The following SIPA1L2 variants were observed in gnomAD, a reference collection of about 807,000 sequenced individuals.
The protein encoded by SIPA1L2 is signal induced proliferation associated 1 like 2.
In SIPA1L2, 56 loss-of-function variants were observed where a neutral mutation model predicts 163.9. The ratio of observed to expected loss-of-function variants is 0.34; its 90% confidence interval spans 0.28 to 0.43. The LOEUF is 0.43. Among genes scored for constraint, SIPA1L2 ranks in the 20% least tolerant of loss-of-function variants. The pLI is 1.00. For missense variants in SIPA1L2, 1,974 were observed against 2,193.5 expected (o/e 0.90, Z 2.00); for synonymous variants, 877 against 865.7 (o/e 1.01, Z -0.23).
intron 19 of SIPA1L2, among the ~76,000 whole-genome samples, chr1:232,411,220 G>A (rs137897140): frequency 1.1e-3 from 173 of 152,284 alleles, no homozygotes; most frequent in African/African-American, 3.5e-3. Context: ...ACAGGGTCTC[G>A]TCTTGACCAG....
intron 2 of SIPA1L2, among the ~76,000 whole-genome samples, chr1:232,521,611 T>C (rs1048671803): frequency 3.9e-5 from 6 of 152,120 alleles, no homozygotes; most frequent in Non-Finnish European, 7.4e-5. Flanking sequence ...TTGACAATCA[T>C]CACTAACCTA....
chr1:232,403,361 G>T, intron 21 of SIPA1L2, 87 bp downstream of exon 21: 1 of 1,521,490 alleles, frequency 6.6e-7, no homozygotes, highest in Non-Finnish European at 8.9e-7. Context: ...ATGGTCGCCC[G>T]CCTGGCTCAG....
intron 1 of SIPA1L2, among the ~76,000 whole-genome samples, chr1:232,578,916 T>C (rs1660220524): frequency 6.6e-6 from 1 of 152,210 alleles, no homozygotes. Context: ...TTACCTTGTT[T>C]TGCCTTTAGA....
intron 15 of SIPA1L2, among the ~76,000 whole-genome samples, chr1:232,436,922 G>A (rs1023234547): frequency 6.6e-6 from 1 of 152,134 alleles, no homozygotes; most frequent in Non-Finnish European, 1.5e-5. Flanking sequence ...CAGGAAAAGG[G>A]CAGTCAAGTG....
intron 2 of SIPA1L2, among the ~76,000 whole-genome samples, chr1:232,550,328 T>C (rs1658302437): frequency 6.6e-6 from 1 of 152,210 alleles, no homozygotes; most frequent in Non-Finnish European, 1.5e-5. Flanking sequence ...TGAACGTTCT[T>C]ATCCAGCCAC....
intron 2 of SIPA1L2, among the ~76,000 whole-genome samples, chr1:232,550,354 C>T (rs1009881709): frequency 6.6e-6 from 1 of 152,134 alleles, no homozygotes; most frequent in African/African-American, 2.4e-5. Flanking sequence ...GCAAGTCAGA[C>T]TTAATTACTA....
chr1:232,513,698 G>A (rs752432507), intron 3 of SIPA1L2, among the ~76,000 whole-genome samples, 159 bp downstream of exon 3: 14 of 152,154 alleles, frequency 9.2e-5, no homozygotes, highest in Non-Finnish European at 1.3e-4. Context: ...AATTAGCCTG[G>A]AAGCTATGGA....
intron 8 of SIPA1L2, among the ~76,000 whole-genome samples, chr1:232,467,795 G>A (rs1001630509): frequency 1.3e-5 from 2 of 152,128 alleles, no homozygotes; most frequent in African/African-American, 4.8e-5. Context: ...GCTACCCTCT[G>A]AGTGCAGCTT....
intron 4 of SIPA1L2, among the ~76,000 whole-genome samples, chr1:232,492,489 G>C (rs1410826128): frequency 6.6e-6 from 1 of 152,070 alleles, no homozygotes; most frequent in Non-Finnish European, 1.5e-5. Flanking sequence ...GGGACAATAG[G>C]CATGTGTCAC....
chr1:232,411,644 A>G (rs904879841), intron 19 of SIPA1L2, among the ~76,000 whole-genome samples: 2 of 151,158 alleles, frequency 1.3e-5, no homozygotes, highest in African/African-American at 4.9e-5. Flanking sequence ...TTTCTTTCAC[A>G]GTTTTTGTGG....
chr1:232,621,047 T>C (rs148543312), intron 1 of SIPA1L2, among the ~76,000 whole-genome samples: 242 of 152,330 alleles, frequency 1.6e-3, no homozygotes, highest in Middle Eastern at 3.4e-3. Context: ...AAAACAAAAA[T>C]TGTTTTCCTC....
chr1:232,402,563 G>A lies in SIPA1L2; in HGVS notation c.4941-90C>T. 4 of 1,050,856 alleles carry A rather than the reference G, an allele frequency of 3.8e-6. No individual in the cohort carries two copies. In the South Asian group the frequency reaches 5.7e-5, roughly 15 times the overall value. The allele number at this position is 1,050,856 out of a possible 1,614,324, so 65.1% of individuals were successfully genotyped here. On this transcript the variant is annotated intron_variant, in intron 21 of 22. Transcript: ENST00000674635. The stretch of plus-strand genomic sequence containing the variant: ...TTTTCACTCGAAAAAATTATTTCAT[G>A]TGCTTAGAGCCCAGCAAGCAGATAT...
chr1:232,528,778 G>A (rs922833085), intron 2 of SIPA1L2, among the ~76,000 whole-genome samples: 4 of 152,172 alleles, frequency 2.6e-5, no homozygotes, highest in African/African-American at 9.7e-5. Context: ...AGAGCAGACT[G>A]GACATGATCC....
intron 2 of SIPA1L2, among the ~76,000 whole-genome samples, chr1:232,526,168 T>C (rs995839275): frequency 2.0e-5 from 3 of 152,168 alleles, no homozygotes; most frequent in Non-Finnish European, 4.4e-5. Context: ...GTGCCAATAC[T>C]GAACGCCAGT....
At chr1:232,613,689 G>A (rs1662364667) in intron 1 of SIPA1L2, among the ~76,000 whole-genome samples, 1 of 62,598 alleles carries the variant, frequency 1.6e-5, no homozygotes, top group African/African-American at 7.1e-5. Flanking sequence ...TAAAATTCAA[G>A]AACAAAATTT....
At chr1:232,456,004 G>A (rs920640196) in intron 10 of SIPA1L2, among the ~76,000 whole-genome samples, 2 of 152,142 alleles carry the variant, frequency 1.3e-5, no homozygotes, top group African/African-American at 2.4e-5. Flanking sequence ...TGGGTAGTAT[G>A]CTGATTGCCT....
intron 19 of SIPA1L2, among the ~76,000 whole-genome samples, chr1:232,409,563 A>G (rs1660831386): frequency 6.6e-6 from 1 of 152,220 alleles, no homozygotes; most frequent in African/African-American, 2.4e-5. Context: ...GTTCTGGGAC[A>G]TTCAAAACCA....
intron 18 of SIPA1L2, among the ~76,000 whole-genome samples, chr1:232,420,192 A>G (rs1368698910): frequency 6.6e-6 from 1 of 152,092 alleles, no homozygotes; most frequent in Non-Finnish European, 1.5e-5. Flanking sequence ...GTGTGGTGGT[A>G]CATTCCTGTA....
intron 19 of SIPA1L2, among the ~76,000 whole-genome samples, chr1:232,410,875 C>T (rs1258048449): frequency 6.6e-6 from 1 of 152,142 alleles, no homozygotes; most frequent in East Asian, 1.9e-4. Flanking sequence ...CTGAGATCCA[C>T]TTGGGGCCAG....
Sources: gnomAD v4.1 joint callset for allele counts (sites outside exome capture counted in the v4.1 genomes callset) on GRCh38, gnomAD v4.1.1 for gene constraint, MANE v1.5 for transcripts, NCBI Gene and HGNC (gene_info 2026-07-23, HGNC 2026-07-21) for gene names.